The following JAK1 variants were observed in gnomAD, a reference collection of about 807,000 sequenced individuals.
The protein encoded by JAK1 is tyrosine-protein kinase JAK1.
A neutral mutation model predicts 136.6 loss-of-function variants in JAK1; 16 were observed. That is an observed-to-expected ratio of 0.12 (90% confidence interval 0.08 to 0.18). JAK1 has a LOEUF of 0.18. Ranked by LOEUF, JAK1 falls within the 10% of genes least tolerant of loss-of-function variation. JAK1 has a pLI of 1.00. For synonymous variants in JAK1, 492 were observed against 519.5 expected, an observed-to-expected ratio of 0.95 and a Z score of 0.72; for missense variants, 859 against 1,450.1, an observed-to-expected ratio of 0.59 and a Z score of 6.62.
intron 4 of JAK1, among the ~76,000 whole-genome samples, chr1:64,876,931 ACT>A (rs1644680084): frequency 6.6e-6 from 1 of 152,148 alleles, no homozygotes; most frequent in South Asian, 2.1e-4. Flanking sequence ...TACACAACAA[ACT>A]CTCTTTAGGC....
Position 64,955,665 on chromosome 1 carries a change from C to T in JAK1, c.-78+10668G>A, listed in dbSNP as rs150793568. Among the ~76,000 whole-genome samples, 669 of 152,202 alleles carry T rather than the reference C, an allele frequency of 4.4e-3. 3 individuals are homozygous for T. The highest frequency in any genetic ancestry group is 0.015 in the African/African-American group (618 of 41,520). On this transcript the variant is annotated intron_variant, in intron 1 of 24. Coordinates refer to ENST00000342505, the MANE Select transcript of JAK1 (RefSeq NM_002227.4). The stretch of plus-strand genomic sequence containing the variant: ...AAGGCTTGTGATCAGTAGTCAGACA[C>T]GGAAAGATAAATACAGCATGTGCTC...
chr1:64,931,649 C>G (rs1370924740), intron 1 of JAK1, among the ~76,000 whole-genome samples: 2 of 152,134 alleles, frequency 1.3e-5, no homozygotes, highest in African/African-American at 2.4e-5. Context: ...AGGAGGCAAT[C>G]CTTTTGTGTA....
chr1:64,981,834 C>A (rs1446213280), intron 2 of JAK1, among the ~76,000 whole-genome samples: 2 of 152,188 alleles, frequency 1.3e-5, no homozygotes, highest in Admixed American at 1.3e-4. Context: ...AGCTCCTGTT[C>A]TTTTCACTGT....
Position 64,844,296 on chromosome 1 carries a change from T to C in JAK1, c.2252-81A>G. ...ATTACTGTCACTGCAGCCAGAACAGTGAGCCAATGAAGGAACTACTTCAAG... is the reference window on the plus strand; with the variant it reads ...ATTACTGTCACTGCAGCCAGAACAGCGAGCCAATGAAGGAACTACTTCAAG... On this transcript the variant is annotated intron_variant, in intron 16 of 24. Coordinates refer to ENST00000342505, the MANE Select transcript of JAK1 (RefSeq NM_002227.4). This position sits in a 1 kb window ranked among gnomAD's most constrained non-coding sequence, Gnocchi z 5.7. 1 of 1,555,094 alleles carries C rather than the reference T, an allele frequency of 6.4e-7. No homozygotes were observed. Among genetic ancestry groups the C allele is most frequent in the Non-Finnish European group, 8.9e-7 (1 of 1,128,428 alleles).
chr1:64,950,279 G>A (rs186721164), intron 1 of JAK1, among the ~76,000 whole-genome samples: 1 of 152,054 alleles, frequency 6.6e-6, no homozygotes, highest in Non-Finnish European at 1.5e-5. Flanking sequence ...GTGGTGGCGG[G>A]CGCCTGTAGT....
At chr1:64,989,900 G>A (rs1363544453) in intron 2 of JAK1, 1 of 152,258 alleles carries the variant, frequency 6.6e-6, no homozygotes, top group East Asian at 1.9e-4. Flanking sequence ...GCCTGGCTAA[G>A]TGTTGAAGGA....
chr1:64,927,183 C>A (rs1645597201), intron 1 of JAK1, among the ~76,000 whole-genome samples: 1 of 152,270 alleles, frequency 6.6e-6, no homozygotes, highest in East Asian at 1.9e-4. Flanking sequence ...TAAGAAAGAG[C>A]TCTGTCTCTC....
At chr1:65,056,986 G>A (rs1265293804) in intron 1 of JAK1, among the ~76,000 whole-genome samples, 1 of 149,298 alleles carries the variant, frequency 6.7e-6, no homozygotes, top group African/African-American at 2.5e-5. Context: ...TCTTCTCTCT[G>A]TGGTAGGTAG....
At chr1:64,913,564 C>T (rs776175173) in intron 1 of JAK1, among the ~76,000 whole-genome samples, 65 of 144,540 alleles carry the variant, frequency 4.5e-4, no homozygotes, top group Non-Finnish European at 6.2e-4. Flanking sequence ...TGATAAGCTT[C>T]GTATTAAGGA....
intron 2 of JAK1, among the ~76,000 whole-genome samples, chr1:65,039,819 T>G (rs1647113538): frequency 6.6e-6 from 1 of 152,178 alleles, no homozygotes; most frequent in Non-Finnish European, 1.5e-5. Flanking sequence ...ATTCCCCCCA[T>G]TCCCCTAGGC....
At chr1:64,838,941 C>T (rs972624511) in intron 20 of JAK1, among the ~76,000 whole-genome samples, 47 of 151,694 alleles carry the variant, frequency 3.1e-4, no homozygotes, top group African/African-American at 9.0e-4. Flanking sequence ...GTCAGGAGAT[C>T]GAGACCATCC....
At chr1:64,935,997 C>T (rs1645782789) in intron 1 of JAK1, among the ~76,000 whole-genome samples, 1 of 152,180 alleles carries the variant, frequency 6.6e-6, no homozygotes, top group South Asian at 2.1e-4. Context: ...CACACCCTTG[C>T]CCCTCCCCAT....
chr1:64,984,952 C>A lies in JAK1; in HGVS notation c.-78+59528G>T. 1 of 1,044,438 alleles carries A rather than the reference C, an allele frequency of 9.6e-7. No homozygotes were observed. The highest frequency in any genetic ancestry group is 1.3e-5 in the South Asian group (1 of 79,456). The allele number at this position is 1,044,438 out of a possible 1,614,324, so 64.7% of individuals were successfully genotyped here. On this transcript the variant is annotated intron_variant, in intron 2 of 25. Transcript: ENST00000671954. The surrounding 1 kb of genome is among the most constrained non-coding windows in gnomAD (Gnocchi z 4.1). ...GCCACAATAAACCAGGGAATGTGGT[C>A]TGGCCCAATTTCAAAGAAGACCACA...
intron 5 of JAK1, among the ~76,000 whole-genome samples, chr1:64,871,405 A>G (rs1024064040): frequency 3.3e-5 from 5 of 152,222 alleles, no homozygotes; most frequent in Non-Finnish European, 7.3e-5. Flanking sequence ...ATAAAAGGGA[A>G]AACGAGAAAA....
At chr1:64,985,404 C>T in intron 2 of JAK1, 1 of 1,609,976 alleles carries the variant, frequency 6.2e-7, no homozygotes, top group South Asian at 1.1e-5. Flanking sequence ...ATCCTGGGTG[C>T]CCCACAACCA....
intron 1 of JAK1, among the ~76,000 whole-genome samples, chr1:64,925,814 C>T (rs1000039832): frequency 3.3e-5 from 5 of 152,154 alleles, no homozygotes; most frequent in African/African-American, 1.2e-4. Flanking sequence ...GACCCAAGGT[C>T]AAATGCTGTT....
At chr1:64,957,190 GAA>G (rs751895896) in intron 1 of JAK1, among the ~76,000 whole-genome samples, 250 of 152,236 alleles carry the variant, frequency 1.6e-3, no homozygotes, top group Non-Finnish European at 2.7e-3. Flanking sequence ...AGGGAAAGAG[GAA>G]AGAGAGGAGA....
intron 2 of JAK1, among the ~76,000 whole-genome samples, chr1:65,013,665 A>G (rs1391213031): frequency 6.6e-6 from 1 of 152,228 alleles, no homozygotes; most frequent in East Asian, 1.9e-4. Flanking sequence ...AAGCAAAGGA[A>G]CAAATACAAA....
intron 1 of JAK1, among the ~76,000 whole-genome samples, chr1:65,056,082 T>C (rs1000579654): frequency 2.6e-5 from 4 of 152,216 alleles, no homozygotes; most frequent in African/African-American, 9.7e-5. Context: ...GTGTTTCAAA[T>C]TACTTGAGGA....
Sources: allele counts gnomAD v4.1 joint callset (sites outside exome capture counted in the v4.1 genomes callset), GRCh38; gene constraint gnomAD v4.1.1; non-coding constraint Gnocchi (gnomAD v3.1); transcripts MANE v1.5; gene names NCBI Gene and HGNC (gene_info 2026-07-23, HGNC 2026-07-21).